POU2F3: variants seen among roughly 807,000 people sequenced by gnomAD.
The protein encoded by POU2F3 is POU class 2 homeobox 3, also known as POU domain, class 2, transcription factor 3.
POU2F3 carries 23 observed loss-of-function variants against 59.2 expected under a neutral mutation model. The observed-to-expected ratio is 0.39, with a 90% CI of 0.28 to 0.55. The LOEUF is 0.55. POU2F3 is among the 20% of genes least tolerant of loss of function. POU2F3 has a pLI of 0.66. For synonymous variants in POU2F3, 190 were observed against 214.6 expected (o/e 0.89, Z 1.00); for missense variants, 473 against 544.5 (o/e 0.87, Z 1.31).
intron 3 of POU2F3, among the ~76,000 whole-genome samples, chr11:120,292,493 C>T (rs1162551959): frequency 2.0e-5 from 3 of 152,254 alleles, no homozygotes; most frequent in Non-Finnish European, 2.9e-5. Context: ...CCGCCTCCCA[C>T]ACCCTCTCCT....
At chr11:120,315,550 T>C in intron 11 of POU2F3, 123 bp downstream of exon 11, 5 of 933,224 alleles carry the variant, frequency 5.4e-6, no homozygotes, top group Non-Finnish European at 8.1e-6. Context: ...TATTAAAATC[T>C]GTGTTGGGAA....
rs549018138 is a variant in POU2F3, at chr11:120,297,812, C to T, written c.133-453C>T. Among the ~76,000 whole-genome samples, 286 of 152,118 alleles carry T rather than the reference C, an allele frequency of 1.9e-3. 1 individual carries two copies. The highest frequency in any genetic ancestry group is 3.3e-3 in the Non-Finnish European group (226 of 67,980). On this transcript the variant is annotated intron_variant, in intron 3 of 12. Transcript: ENST00000543440. ...AAGAGACAGGGTCTCACTGTGTCAC[C>T]TAGGCTGGAGTGCAGTGGCGTGATC...
chr11:120,309,884 A>G (rs1403797437), intron 10 of POU2F3, among the ~76,000 whole-genome samples: 1 of 152,190 alleles, frequency 6.6e-6, no homozygotes, highest in Non-Finnish European at 1.5e-5. Flanking sequence ...CAGAGGACCT[A>G]GCAAGTGAAA....
At chr11:120,278,783 A>G (rs531875439) in intron 3 of POU2F3, among the ~76,000 whole-genome samples, 1 of 152,284 alleles carries the variant, frequency 6.6e-6, no homozygotes, top group Non-Finnish European at 1.5e-5. Context: ...GGGCAAGGGG[A>G]AGGATAGCAT....
chr11:120,296,324 G>A (rs1941190628), intron 3 of POU2F3, among the ~76,000 whole-genome samples: 1 of 152,190 alleles, frequency 6.6e-6, no homozygotes. Context: ...CCATATTTAG[G>A]ACATTAGCTC....
chr11:120,248,633 C>G (rs1477497988), intron 2 of POU2F3, among the ~76,000 whole-genome samples: 1 of 152,158 alleles, frequency 6.6e-6, no homozygotes, highest in Non-Finnish European at 1.5e-5. Context: ...CCAAGGAGCC[C>G]GTGATGTCTG....
chr11:120,304,458 T>C (rs1486431002), intron 6 of POU2F3: 1 of 152,180 alleles, frequency 6.6e-6, no homozygotes, highest in Non-Finnish European at 1.5e-5. Flanking sequence ...CAAAACACTT[T>C]CATGAAAGAA....
At chr11:120,278,895 C>T (rs989217498) in intron 3 of POU2F3, among the ~76,000 whole-genome samples, 1 of 152,122 alleles carries the variant, frequency 6.6e-6, no homozygotes, top group Admixed American at 6.5e-5. Context: ...ACATGTATCC[C>T]AGAACTTAAA....
rs755492289 is a variant in POU2F3 at position 120,309,427 on chromosome 11, C to G, written c.909C>G (p.Asn303Lys). Residue 303 changes from asparagine to lysine, a missense_variant and splice_region_variant, in exon 10 of 13, where the codon AAC becomes AAG. Coordinates refer to ENST00000543440, the MANE Select transcript of POU2F3 (RefSeq NM_014352.4). ...RLTLEKRFQD[N>K]PKPSSEEISM... Reference sequence around the variant, plus strand: ...CTCTGTCCTTTCGGTGCCTATAGAACCCAAAACCCAGCTCGGAGGAGATCT... The same window carrying G: ...CTCTGTCCTTTCGGTGCCTATAGAAGCCAAAACCCAGCTCGGAGGAGATCT... The G allele has an allele frequency of 6.2e-7, 1 of 1,613,188 alleles. No individual in the cohort carries two copies. Among genetic ancestry groups the G allele is most frequent in the Non-Finnish European group, 8.5e-7 (1 of 1,179,300 alleles).
chr11:120,257,272 C>T (rs142699633), intron 2 of POU2F3, among the ~76,000 whole-genome samples: 3 of 152,264 alleles, frequency 2.0e-5, no homozygotes, highest in South Asian at 2.1e-4. Context: ...TCAAGACCCA[C>T]GTTTCCTTAG....
intron 2 of POU2F3, among the ~76,000 whole-genome samples, chr11:120,247,744 G>A (rs1938929402): frequency 6.6e-6 from 1 of 152,232 alleles, no homozygotes; most frequent in Non-Finnish European, 1.5e-5. Flanking sequence ...CAGCTAGAGA[G>A]TGATAGATAT....
At chr11:120,305,314 G>C in intron 7 of POU2F3, 102 bp downstream of exon 7, 1 of 1,344,098 alleles carries the variant, frequency 7.4e-7, no homozygotes. Context: ...CGATGTGTTT[G>C]GGGTCTCCTC....
intron 3 of POU2F3, among the ~76,000 whole-genome samples, chr11:120,288,790 G>A (rs890475129): frequency 2.0e-5 from 3 of 151,504 alleles, no homozygotes; most frequent in African/African-American, 4.9e-5. Flanking sequence ...ATATACATAC[G>A]CACATGTATG....
At chr11:120,301,198 C>A (rs1941337520) in intron 5 of POU2F3, 2 of 411,800 alleles carry the variant, frequency 4.9e-6, no homozygotes, top group Non-Finnish European at 9.8e-6. Flanking sequence ...GGGAAAGTTA[C>A]CTAACCTCTC....
intron 4 of POU2F3, among the ~76,000 whole-genome samples, chr11:120,299,413 T>C (rs996883373): frequency 6.6e-6 from 1 of 152,148 alleles, no homozygotes; most frequent in South Asian, 2.1e-4. Flanking sequence ...TAGTAAGGAC[T>C]CCTAGGCTGA....
At chr11:120,259,694 G>T (rs1939511031) in intron 2 of POU2F3, among the ~76,000 whole-genome samples, 1 of 152,110 alleles carries the variant, frequency 6.6e-6, no homozygotes, top group African/African-American at 2.4e-5. Context: ...GCAACTTTTT[G>T]TTTTAATATA....
At chr11:120,300,134 C>T (rs1941306348) in intron 5 of POU2F3, among the ~76,000 whole-genome samples, 1 of 152,218 alleles carries the variant, frequency 6.6e-6, no homozygotes, top group Non-Finnish European at 1.5e-5. Flanking sequence ...GGCTGTGATT[C>T]TATTTGGAGA....
intron 2 of POU2F3, among the ~76,000 whole-genome samples, chr11:120,266,547 C>T (rs1298765292): frequency 2.0e-5 from 3 of 152,206 alleles, no homozygotes; most frequent in Non-Finnish European, 4.4e-5. Flanking sequence ...TCACTACTCT[C>T]TCCAGCCATA....
intron 8 of POU2F3, among the ~76,000 whole-genome samples, chr11:120,306,173 G>A (rs920149820): frequency 5.3e-5 from 8 of 152,200 alleles, no homozygotes; most frequent in Non-Finnish European, 1.2e-4. Context: ...GGCCTCTAGG[G>A]TCTCACTGGG....
Sources: gnomAD v4.1 joint callset for allele counts (sites outside exome capture counted in the v4.1 genomes callset) on GRCh38, gnomAD v4.1.1 for gene constraint, MANE v1.5 for transcripts, NCBI Gene and HGNC (gene_info 2026-07-23, HGNC 2026-07-21) for gene names.